Variants in TMEM108 observed in about 807,000 individuals in gnomAD.
TMEM108 encodes the protein transmembrane protein 108.
A neutral mutation model predicts 35.1 loss-of-function variants in TMEM108; 12 were observed. The ratio of observed to expected loss-of-function variants is 0.34; its 90% confidence interval spans 0.22 to 0.55. TMEM108 has a LOEUF of 0.55. Ranked by LOEUF, TMEM108 falls within the 20% of genes least tolerant of loss-of-function variation. The pLI is 0.89. For missense variants in TMEM108, 680 were observed against 753.3 expected (o/e 0.90, Z 1.14); for synonymous variants, 287 against 308.6 (o/e 0.93, Z 0.73).
chr3:133,238,052 T>C (rs1357454552), intron 3 of TMEM108, among the ~76,000 whole-genome samples: 1 of 152,098 alleles, frequency 6.6e-6, no homozygotes, highest in Admixed American at 6.6e-5. Context: ...TCATTAATAG[T>C]CTGGTCCCGG....
At chr3:133,107,975 T>C (rs1278577334) in intron 2 of TMEM108, among the ~76,000 whole-genome samples, 1 of 152,200 alleles carries the variant, frequency 6.6e-6, no homozygotes, top group Non-Finnish European at 1.5e-5. Flanking sequence ...CTCACGCCTG[T>C]AATCCCAGCA....
intron 3 of TMEM108, among the ~76,000 whole-genome samples, chr3:133,267,080 CAA>C (rs567345267): frequency 4.6e-4 from 53 of 115,868 alleles, no homozygotes; most frequent in African/African-American, 1.3e-3. Context: ...GACTCCACCT[CAA>C]AAAAAAAAAA....
intron 2 of TMEM108, among the ~76,000 whole-genome samples, chr3:133,186,513 GA>G (rs1472172643): frequency 6.6e-6 from 1 of 152,176 alleles, no homozygotes; most frequent in Non-Finnish European, 1.5e-5. Flanking sequence ...TTAATATCCT[GA>G]AAAGGCTTAG....
chr3:133,218,156 A>AT (rs1255927588), intron 2 of TMEM108, among the ~76,000 whole-genome samples: 2 of 151,758 alleles, frequency 1.3e-5, no homozygotes, highest in East Asian at 3.9e-4. Context: ...ATTTCTAAGT[A>AT]TTTTTTTATA....
chr3:133,197,737 G>A (rs774509345), intron 2 of TMEM108, among the ~76,000 whole-genome samples: 1 of 152,146 alleles, frequency 6.6e-6, no homozygotes. Flanking sequence ...TGCAGTCATG[G>A]CTGAAATCAG....
intron 3 of TMEM108, chr3:133,303,293 A>G (rs937677877): frequency 2.6e-5 from 4 of 152,184 alleles, no homozygotes; most frequent in African/African-American, 9.7e-5. Flanking sequence ...TATACCAATC[A>G]TGTCAGTCAG....
At chr3:133,066,583 T>G (rs1943611119) in intron 2 of TMEM108, among the ~76,000 whole-genome samples, 1 of 152,180 alleles carries the variant, frequency 6.6e-6, no homozygotes, top group Admixed American at 6.5e-5. Context: ...TCTATTCCAT[T>G]ACGTGATATC....
intron 3 of TMEM108, among the ~76,000 whole-genome samples, chr3:133,310,184 A>G (rs1221542545): frequency 1.3e-5 from 2 of 152,128 alleles, no homozygotes; most frequent in African/African-American, 4.8e-5. Context: ...TTCTGTTGAT[A>G]TGGGGTGGAG....
At chr3:133,236,458 G>C (rs1124217) in intron 3 of TMEM108, among the ~76,000 whole-genome samples, 30,936 of 151,938 alleles carry the variant, frequency 0.2, 3,667 homozygotes, top group Middle Eastern at 0.32. Context: ...TCTCAGATTT[G>C]AATTATATGT....
intron 2 of TMEM108, among the ~76,000 whole-genome samples, chr3:133,054,837 C>T (rs1474405535): frequency 6.6e-6 from 1 of 152,204 alleles, no homozygotes; most frequent in Non-Finnish European, 1.5e-5. Context: ...AAGGCTCTTA[C>T]ACTTCCCTTC....
chr3:133,270,176 T>C (rs1263552117), intron 3 of TMEM108, among the ~76,000 whole-genome samples: 1 of 152,178 alleles, frequency 6.6e-6, no homozygotes, highest in Non-Finnish European at 1.5e-5. Flanking sequence ...CCTCCTTTCC[T>C]TACTCGGCTC....
chr3:133,168,752 T>C (rs1945082407), intron 2 of TMEM108, among the ~76,000 whole-genome samples: 1 of 152,214 alleles, frequency 6.6e-6, no homozygotes, highest in Admixed American at 6.5e-5. Context: ...CTTTGTTCTT[T>C]CGCTCTTTGC....
At chr3:133,344,746 G>A (rs1414223015) in intron 3 of TMEM108, among the ~76,000 whole-genome samples, 5 of 151,680 alleles carry the variant, frequency 3.3e-5, no homozygotes, top group African/African-American at 1.2e-4. Context: ...AAAAAATTTG[G>A]TATGAGAAAA....
intron 2 of TMEM108, among the ~76,000 whole-genome samples, chr3:133,227,560 C>T (rs1946092464): frequency 6.6e-6 from 1 of 151,358 alleles, no homozygotes; most frequent in Non-Finnish European, 1.5e-5. Context: ...AAAAAAAACA[C>T]TTGAAAACCT....
intron 2 of TMEM108, among the ~76,000 whole-genome samples, chr3:133,179,388 A>C (rs373753819): frequency 6.6e-6 from 1 of 152,190 alleles, no homozygotes; most frequent in Non-Finnish European, 1.5e-5. Flanking sequence ...TCACAATAGC[A>C]AAGACTTGGA....
intron 2 of TMEM108, among the ~76,000 whole-genome samples, chr3:133,077,125 A>G (rs1350055623): frequency 6.6e-6 from 1 of 152,180 alleles, no homozygotes; most frequent in African/African-American, 2.4e-5. Context: ...GAGCCAGTCA[A>G]AGACTCAGAC....
At chr3:133,209,067 A>C (rs1945799140) in intron 2 of TMEM108, among the ~76,000 whole-genome samples, 1 of 152,174 alleles carries the variant, frequency 6.6e-6, no homozygotes, top group Non-Finnish European at 1.5e-5. Context: ...CTTTTAAGAG[A>C]CAGGGTCTCA....
intron 2 of TMEM108, among the ~76,000 whole-genome samples, chr3:133,146,282 G>A (rs148998242): frequency 0.026 from 3,952 of 152,304 alleles, 70 homozygotes; most frequent in Middle Eastern, 0.037. Flanking sequence ...ATTTATGTAT[G>A]TTGAACCAGC....
intron 3 of TMEM108, among the ~76,000 whole-genome samples, chr3:133,310,825 C>G (rs1046888952): frequency 1.3e-5 from 2 of 152,128 alleles, no homozygotes; most frequent in Non-Finnish European, 2.9e-5. Flanking sequence ...CATCATTGGT[C>G]TTTACAATTT....
Sources: allele counts gnomAD v4.1 joint callset (sites outside exome capture counted in the v4.1 genomes callset), GRCh38; gene constraint gnomAD v4.1.1; transcripts MANE v1.5; gene names NCBI Gene and HGNC (gene_info 2026-07-23, HGNC 2026-07-21).